The following FKBP9 variants were observed in gnomAD, a reference collection of about 807,000 sequenced individuals.
The protein encoded by FKBP9 is FKBP prolyl isomerase 9, also known as peptidyl-prolyl cis-trans isomerase FKBP9.
A neutral mutation model predicts 55.6 loss-of-function variants in FKBP9; 27 were observed. The observed-to-expected ratio is 0.49, with a 90% CI of 0.36 to 0.67. The LOEUF is 0.67. FKBP9 is among the 30% of genes least tolerant of loss of function. The pLI is 0.00. For synonymous variants in FKBP9, 267 were observed against 296.5 expected (o/e 0.90, Z 1.02); for missense variants, 539 against 742.8 (o/e 0.73, Z 3.19).
intron 9 of FKBP9, chr7:33,003,042 C>T (rs3828995): frequency 0.065 from 35,816 of 550,596 alleles, 1,452 homozygotes; most frequent in East Asian, 0.15. Flanking sequence ...CTGAAGAAAC[C>T]GATTCCCTAA....
chr7:32,972,036 G>A (rs1784263314), intron 1 of FKBP9, among the ~76,000 whole-genome samples: 1 of 152,250 alleles, frequency 6.6e-6, no homozygotes. Flanking sequence ...TTTCTTGCCG[G>A]TGCATTGTTG....
At chr7:32,991,818 T>C (rs1395272844) in intron 6 of FKBP9, among the ~76,000 whole-genome samples, 3 of 152,060 alleles carry the variant, frequency 2.0e-5, no homozygotes, top group African/African-American at 7.2e-5. Context: ...TCATCGATGG[T>C]TTGCTGTTAC....
Position 32,957,645 on chromosome 7 carries a change from A to T in FKBP9, c.72A>T (p.Ala24=). The T allele has an allele frequency of 3.3e-6, 5 of 1,501,598 alleles. No individual in the cohort carries two copies. Among genetic ancestry groups the T allele is most frequent in the Non-Finnish European group, 4.4e-6 (5 of 1,134,172 alleles). The allele number at this position is 1,501,598 out of a possible 1,614,324, so 93.0% of individuals were successfully genotyped here. The change falls in exon 1 of 10, where the codon GCA becomes GCT. Residue 24 remains alanine, a synonymous_variant. Coordinates refer to ENST00000242209, the MANE Select transcript of FKBP9 (RefSeq NM_007270.5). ...LLLLLWVTGQ[A]APVAGLGSDA... is the part of the protein sequence containing the mutation. ...TGCTGCTCTGGGTGACCGGGCAGGCAGCGCCCGTGGCGGGCCTGGGCTCCG... is the reference window on the plus strand; with the variant it reads ...TGCTGCTCTGGGTGACCGGGCAGGCTGCGCCCGTGGCGGGCCTGGGCTCCG...
At chr7:32,980,863 T>C (rs2127982995) in intron 5 of FKBP9, among the ~76,000 whole-genome samples, 1 of 152,070 alleles carries the variant, frequency 6.6e-6, no homozygotes. Flanking sequence ...GCCTCCTTAG[T>C]AGCTAGGACG....
rs1472707166 is a variant in FKBP9 at position 32,973,844 on chromosome 7, C to G, written c.222-773C>G. Reference sequence around the variant, plus strand: ...TAGCTGGGATTACAGGCGCCTGCCACCACGCCTGGCTAATTTTTTGTATTT... The same window carrying G: ...TAGCTGGGATTACAGGCGCCTGCCAGCACGCCTGGCTAATTTTTTGTATTT... On this transcript the variant is annotated intron_variant, in intron 1 of 9. Transcript: ENST00000242209. Among the ~76,000 whole-genome samples the G allele has an allele frequency of 1.1e-4, 8 of 70,500 alleles. 2 individuals are homozygous for G. Among genetic ancestry groups the G allele is most frequent in the African/African-American group, 4.8e-4 (8 of 16,608 alleles). 46.3% of individuals were successfully genotyped at this position (70,500 alleles called of 152,430 possible). A position where few individuals can be genotyped will look rare whatever the true frequency, so the allele number is the denominator to read the frequency against.
At chr7:32,957,977 A>G (rs2127974149) in intron 1 of FKBP9, among the ~76,000 whole-genome samples, 183 bp downstream of exon 1, 1 of 152,294 alleles carries the variant, frequency 6.6e-6, no homozygotes, top group African/African-American at 2.4e-5. Flanking sequence ...CCCGGCCCTC[A>G]CGTGCCCTAG....
chr7:32,999,247 G>T (rs1272366231), intron 7 of FKBP9, among the ~76,000 whole-genome samples: 1 of 152,036 alleles, frequency 6.6e-6, no homozygotes, highest in Admixed American at 6.5e-5. Context: ...GACCCAAAGG[G>T]GCACCCGTCC....
At chr7:32,967,578 G>A (rs985554634) in intron 1 of FKBP9, among the ~76,000 whole-genome samples, 9 of 152,202 alleles carry the variant, frequency 5.9e-5, no homozygotes, top group South Asian at 2.1e-4. Context: ...TTTTTAAGGC[G>A]GAATAATATT....
chr7:32,967,395 T>C (rs1385625952), intron 1 of FKBP9, among the ~76,000 whole-genome samples: 4 of 152,268 alleles, frequency 2.6e-5, no homozygotes, highest in Non-Finnish European at 5.9e-5. Context: ...TCCTTCTTCC[T>C]TGTCCGCTGA....
chr7:32,972,073 A>T (rs1784264131), intron 1 of FKBP9, among the ~76,000 whole-genome samples: 1 of 151,980 alleles, frequency 6.6e-6, no homozygotes, highest in Non-Finnish European at 1.5e-5. Context: ...TGTGCTTGGG[A>T]GTCTTTGAAG....
intron 5 of FKBP9, among the ~76,000 whole-genome samples, chr7:32,985,474 CT>C (rs1784559302): frequency 2.1e-5 from 3 of 144,340 alleles, no homozygotes; most frequent in Admixed American, 6.8e-5. Flanking sequence ...CCCACTGCCC[CT>C]GGCCCAGTGT....
At chr7:32,962,675 C>A (rs1481489332) in intron 1 of FKBP9, among the ~76,000 whole-genome samples, 1 of 151,782 alleles carries the variant, frequency 6.6e-6, no homozygotes, top group South Asian at 2.1e-4. Context: ...GGTTTCGCCA[C>A]CTTGGCCAGG....
In FKBP9 at chr7:33,005,590, A is replaced by G. The variant is rs189086037; in HGVS notation, c.*239A>G. The G allele has an allele frequency of 3.2e-3, 1,462 of 451,618 alleles. 15 individuals carry two copies. The highest frequency in any genetic ancestry group is 0.026 in the African/African-American group (1,346 of 51,270). The allele number at this position is 451,618 out of a possible 1,614,324, so 28.0% of individuals were successfully genotyped here. ...GAGGGCCTTAGCATGGGATGTGTCC[A>G]GTATTGAAAAGGCTGCACTGCCAAC... On this transcript the variant is annotated 3_prime_UTR_variant, in exon 10 of 10. Transcript: ENST00000242209.
chr7:32,984,966 T>C (rs1285662061), intron 5 of FKBP9, among the ~76,000 whole-genome samples: 3 of 152,214 alleles, frequency 2.0e-5, no homozygotes, highest in Non-Finnish European at 2.9e-5. Context: ...TAACTATGAT[T>C]AACTAGTGTT....
intron 5 of FKBP9, among the ~76,000 whole-genome samples, chr7:32,984,571 C>G (rs763399199): frequency 6.6e-6 from 1 of 152,106 alleles, no homozygotes; most frequent in Non-Finnish European, 1.5e-5. Context: ...GGTAATATGT[C>G]CTAATTGCAT....
chr7:32,966,566 T>C (rs531751984), intron 1 of FKBP9, among the ~76,000 whole-genome samples: 33 of 152,346 alleles, frequency 2.2e-4, no homozygotes, highest in Admixed American at 4.6e-4. Flanking sequence ...TAATGACTCT[T>C]TGTCTTCTGG....
intron 1 of FKBP9, among the ~76,000 whole-genome samples, chr7:32,969,872 G>A (rs1186951753): frequency 2.6e-5 from 4 of 151,736 alleles, no homozygotes; most frequent in Non-Finnish European, 5.9e-5. Flanking sequence ...GCATGGTGGC[G>A]GGCCCCTGTA....
chr7:33,002,590 T>C lies in FKBP9; in HGVS notation c.1373-86T>C. On this transcript the variant is annotated intron_variant, in intron 8 of 9. Coordinates refer to ENST00000242209, the MANE Select transcript of FKBP9 (RefSeq NM_007270.5). ...TCAGAAGTCCCACTCTGAGTGAGGC[T>C]GCTGGAGGTTGGGGTGGGTGCTGGT... 1.9e-6 allele frequency: 3 copies of C among 1,559,708 alleles called. No homozygotes were observed. The Admixed American group carries it at 5.7e-5, about 30-fold the overall frequency.
Position 32,976,353 on chromosome 7 carries a change from G to A in FKBP9, c.558-1G>A. 6.2e-7 allele frequency: 1 copy of A among 1,613,884 alleles called. No individual in the cohort carries two copies. Among genetic ancestry groups the A allele is most frequent in the Non-Finnish European group, 8.5e-7 (1 of 1,179,844 alleles). On this transcript the variant is annotated splice_acceptor_variant, in intron 3 of 9. Transcript: ENST00000242209. LOFTEE classifies it high-confidence loss of function. ...TTTTTCCCTTTCTCATTACCTTTCA[G>A]TCACAATCGCATGAAAACATATGAC... is the stretch of plus-strand genomic sequence containing the variant.
Sources: allele counts gnomAD v4.1 joint callset (sites outside exome capture counted in the v4.1 genomes callset), GRCh38; gene constraint gnomAD v4.1.1; transcripts MANE v1.5; gene names NCBI Gene and HGNC (gene_info 2026-07-23, HGNC 2026-07-21).